The following RIMS2 variants were observed in gnomAD, a reference collection of about 807,000 sequenced individuals.
RIMS2 encodes the protein regulating synaptic membrane exocytosis protein 2.
A neutral mutation model predicts 174.4 loss-of-function variants in RIMS2; 59 were observed. That is an observed-to-expected ratio of 0.34 (90% CI 0.27 to 0.42). The LOEUF is 0.42. RIMS2 is among the 10% of genes least tolerant of loss of function. The probability of loss-of-function intolerance (pLI) is 1.00; values close to 1 mark genes in which losing one functional copy is unlikely to be tolerated. For missense variants in RIMS2, 1,620 were observed against 1,666.3 expected, an observed-to-expected ratio of 0.97 and a Z score of 0.48; for synonymous variants, 606 against 572.5, an observed-to-expected ratio of 1.06 and a Z score of -0.84.
chr8:103,910,400 G>T, intron 5 of RIMS2: 1 of 1,597,510 alleles, frequency 6.3e-7, no homozygotes, highest in Non-Finnish European at 8.5e-7. Flanking sequence ...AGAGACAAAA[G>T]GAAATGATGT....
intron 19 of RIMS2, among the ~76,000 whole-genome samples, chr8:104,052,042 A>G (rs941838110): frequency 6.6e-6 from 1 of 152,202 alleles, no homozygotes; most frequent in African/African-American, 2.4e-5. Flanking sequence ...ACATTACTGA[A>G]GAAAAAGAAA....
Position 103,622,656 on chromosome 8 carries a change from A to G in RIMS2, c.177-74430A>G, listed in dbSNP as rs552370405. On this transcript the variant is annotated intron_variant, in intron 1 of 23. Coordinates refer to ENST00000504942, the Ensembl canonical transcript of RIMS2. ...AAGTCCTCAAGAAAAGGGATTTGCAATTAGCACCACCTGTTCAACAAGGGT... is the reference window on the plus strand; with the variant it reads ...AAGTCCTCAAGAAAAGGGATTTGCAGTTAGCACCACCTGTTCAACAAGGGT... Among the ~76,000 whole-genome samples the G allele has an allele frequency of 5.9e-5, 9 of 152,346 alleles. No homozygotes were observed. In the East Asian group the frequency reaches 1.5e-3, roughly 26 times the overall value.
At chr8:104,147,371 T>C (rs1055073438) in intron 19 of RIMS2, among the ~76,000 whole-genome samples, 13 of 152,128 alleles carry the variant, frequency 8.5e-5, no homozygotes, top group African/African-American at 3.1e-4. Flanking sequence ...AATTTCACAC[T>C]GGGTCTTTTA....
At chr8:103,973,156 C>T (rs1349048053) in intron 15 of RIMS2, among the ~76,000 whole-genome samples, 3 of 152,170 alleles carry the variant, frequency 2.0e-5, no homozygotes, top group African/African-American at 7.2e-5. Context: ...GTATTACTTC[C>T]ATCATCAGAG....
chr8:103,911,559 A>T (rs2075677174), intron 5 of RIMS2, among the ~76,000 whole-genome samples: 1 of 152,162 alleles, frequency 6.6e-6, no homozygotes, highest in Non-Finnish European at 1.5e-5. Context: ...CCCTCATCAT[A>T]GGCTCAAATG....
intron 16 of RIMS2, among the ~76,000 whole-genome samples, chr8:103,985,495 A>G (rs972566647): frequency 4.7e-5 from 7 of 150,448 alleles, no homozygotes; most frequent in Admixed American, 2.6e-4. Flanking sequence ...AAAAAAAAAA[A>G]AAAAAAAAGA....
chr8:104,052,336 A>G (rs1265527516), intron 19 of RIMS2, among the ~76,000 whole-genome samples: 1 of 152,180 alleles, frequency 6.6e-6, no homozygotes, highest in Non-Finnish European at 1.5e-5. Flanking sequence ...CTAATATGCT[A>G]ATAGAAAAAA....
chr8:103,893,486 G>A (rs1191564924), intron 4 of RIMS2, among the ~76,000 whole-genome samples: 1 of 152,038 alleles, frequency 6.6e-6, no homozygotes, highest in Admixed American at 6.6e-5. Context: ...CCATTTATTA[G>A]GAAGTGTCAC....
rs78855437 is a variant in RIMS2, at chr8:103,707,060, C to T, written c.387+9764C>T. Among the ~76,000 whole-genome samples, 958 of 152,238 alleles carry T rather than the reference C, an allele frequency of 6.3e-3. 14 individuals are homozygous for T. Among genetic ancestry groups the T allele is most frequent in the African/African-American group, 0.022 (896 of 41,534 alleles). The stretch of plus-strand genomic sequence containing the variant: ...ATTCTTCTCCTTCATCAATTCCACA[C>T]GGAGACATTCTAATGCATTTCTTTT... On this transcript the variant is annotated intron_variant, in intron 2 of 23. Transcript: ENST00000504942.
At chr8:103,828,929 C>A (rs1032105307) in intron 3 of RIMS2, among the ~76,000 whole-genome samples, 14 of 152,014 alleles carry the variant, frequency 9.2e-5, no homozygotes, top group African/African-American at 3.4e-4. Flanking sequence ...GACTTTATAT[C>A]TATTTTTGTA....
chr8:104,238,386 A>C (rs551762409), intron 19 of RIMS2, among the ~76,000 whole-genome samples: 185 of 152,136 alleles, frequency 1.2e-3, no homozygotes, highest in Admixed American at 2.6e-3. Flanking sequence ...TGATAGGTGC[A>C]GCAAAGCACC....
chr8:104,205,921 G>A (rs557591110), intron 19 of RIMS2, among the ~76,000 whole-genome samples: 1 of 151,730 alleles, frequency 6.6e-6, no homozygotes, highest in Non-Finnish European at 1.5e-5. Flanking sequence ...ACGCCCGGCT[G>A]ATTTTTATAT....
At chr8:104,185,057 A>G (rs371613404) in intron 19 of RIMS2, among the ~76,000 whole-genome samples, 2 of 151,462 alleles carry the variant, frequency 1.3e-5, no homozygotes, top group African/African-American at 2.4e-5. Context: ...AGTTAACCCT[A>G]GTTTGTATGA....
chr8:103,861,765 TTA>T (rs2099060169), intron 3 of RIMS2, among the ~76,000 whole-genome samples: 1 of 152,220 alleles, frequency 6.6e-6, no homozygotes, highest in South Asian at 2.1e-4. Flanking sequence ...TGTTGGCTGC[TTA>T]TATGTTTCTC....
At chr8:103,775,590 ATAAT>A (rs1215662806) in intron 3 of RIMS2, among the ~76,000 whole-genome samples, 4 of 152,276 alleles carry the variant, frequency 2.6e-5, no homozygotes, top group South Asian at 2.1e-4. Flanking sequence ...GAAAGCTGTA[ATAAT>A]TAAATAACAA....
chr8:103,741,603 A>G (rs2097762392), intron 2 of RIMS2, among the ~76,000 whole-genome samples: 1 of 152,106 alleles, frequency 6.6e-6, no homozygotes, highest in Non-Finnish European at 1.5e-5. Flanking sequence ...AAGACTTATC[A>G]AATGACTATT....
At chr8:103,853,538 C>A (rs1396260260) in intron 3 of RIMS2, among the ~76,000 whole-genome samples, 2 of 151,992 alleles carry the variant, frequency 1.3e-5, no homozygotes, top group Non-Finnish European at 2.9e-5. Flanking sequence ...ACTCTTTAAT[C>A]CATCTTGAGT....
intron 12 of RIMS2, among the ~76,000 whole-genome samples, chr8:103,934,494 T>C (rs1218765933): frequency 2.0e-5 from 3 of 152,158 alleles, no homozygotes; most frequent in African/African-American, 4.8e-5. Context: ...TGTGAATTGG[T>C]GCTTGGGTAC....
chr8:104,210,654 G>A (rs1385617207), intron 19 of RIMS2, among the ~76,000 whole-genome samples: 4 of 152,158 alleles, frequency 2.6e-5, no homozygotes, highest in Non-Finnish European at 5.9e-5. Flanking sequence ...AGGCACATCC[G>A]TGTTTGCCCA....
Sources: gnomAD v4.1 joint callset for allele counts (sites outside exome capture counted in the v4.1 genomes callset) on GRCh38, gnomAD v4.1.1 for gene constraint, MANE v1.5 for transcripts, NCBI Gene and HGNC (gene_info 2026-07-23, HGNC 2026-07-21) for gene names.